FSTL5: variants seen among roughly 807,000 people sequenced by gnomAD.
The protein encoded by FSTL5 is follistatin like 5, also known as follistatin-related protein 5.
In FSTL5, 62 loss-of-function variants were observed where a neutral mutation model predicts 89.1. That is an observed-to-expected ratio of 0.70 (90% CI 0.57 to 0.86). The LOEUF (loss-of-function observed/expected upper bound fraction) is 0.86, where lower values mean the gene tolerates loss of function less well. Among genes scored for constraint, FSTL5 ranks in the 40% least tolerant of loss-of-function variants. The pLI is 0.00. For missense variants in FSTL5, 1,057 were observed against 1,001.6 expected (o/e 1.06, Z -0.75); for synonymous variants, 383 against 346.2 (o/e 1.11, Z -1.18).
intron 12 of FSTL5, among the ~76,000 whole-genome samples, chr4:161,492,465 A>T (rs1367447773): frequency 3.9e-5 from 6 of 152,210 alleles, no homozygotes; most frequent in Non-Finnish European, 8.8e-5. Context: ...TTCTGTTAAC[A>T]TGTATATATG....
At chr4:161,447,786 G>C (rs191816477) in intron 15 of FSTL5, among the ~76,000 whole-genome samples, 1 of 152,092 alleles carries the variant, frequency 6.6e-6, no homozygotes, top group African/African-American at 2.4e-5. Context: ...TTTATGTTAC[G>C]TAGATGAAGC....
chr4:162,130,481 A>G (rs114870166), intron 1 of FSTL5, among the ~76,000 whole-genome samples: 1 of 152,164 alleles, frequency 6.6e-6, no homozygotes, highest in African/African-American at 2.4e-5. Context: ...TATTTTTTCA[A>G]ATGACTATTA....
intron 3 of FSTL5, among the ~76,000 whole-genome samples, chr4:161,954,119 T>A (rs1181750456): frequency 1.3e-5 from 2 of 151,506 alleles, no homozygotes; most frequent in South Asian, 2.1e-4. Flanking sequence ...AACCCTAGAA[T>A]AACATTTAAA....
intron 7 of FSTL5, among the ~76,000 whole-genome samples, chr4:161,614,878 T>A (rs750788607): frequency 1.3e-4 from 20 of 152,212 alleles, no homozygotes; most frequent in Non-Finnish European, 2.2e-4. Flanking sequence ...TTCAATTTAA[T>A]ATATGAACGC....
At chr4:161,600,491 T>A (rs1179437564) in intron 7 of FSTL5, among the ~76,000 whole-genome samples, 1 of 151,992 alleles carries the variant, frequency 6.6e-6, no homozygotes, top group African/African-American at 2.4e-5. Context: ...TGTATAATAC[T>A]GAAATGCAAT....
At chr4:161,594,357 T>C (rs1256035477) in intron 7 of FSTL5, among the ~76,000 whole-genome samples, 2 of 152,188 alleles carry the variant, frequency 1.3e-5, no homozygotes, top group African/African-American at 2.4e-5. Context: ...CAGATAATTC[T>C]TTTAAAATTT....
intron 4 of FSTL5, among the ~76,000 whole-genome samples, chr4:161,808,784 C>T (rs1730050900): frequency 6.6e-6 from 1 of 152,042 alleles, no homozygotes; most frequent in Admixed American, 6.6e-5. Context: ...GTATGGATGC[C>T]TTACAACTCA....
At chr4:161,598,758 A>G (rs1054461132) in intron 7 of FSTL5, among the ~76,000 whole-genome samples, 4 of 152,150 alleles carry the variant, frequency 2.6e-5, no homozygotes, top group Non-Finnish European at 5.9e-5. Flanking sequence ...TACAGGGCTG[A>G]AGCAACTAGA....
At position 161,987,033 on chromosome 4, in the gene FSTL5, A is replaced by AAG. The variant is rs1437159664; in HGVS notation, c.160+46591_160+46592insCT. ...TACTTTTCTCACTGTACTCTGAACCAAAGCCATACTTTCCCCTAAATCTAT... is the reference window on the plus strand; with the variant it reads ...TACTTTTCTCACTGTACTCTGAACCAAGAAGCCATACTTTCCCCTAAATCTAT... On this transcript the variant is annotated intron_variant, in intron 3 of 15. Coordinates refer to ENST00000306100, the MANE Select transcript of FSTL5 (RefSeq NM_020116.5). Among the ~76,000 whole-genome samples, 6 of 152,170 alleles carry AAG rather than the reference A, an allele frequency of 3.9e-5. No individual in the cohort carries two copies. In the East Asian group the frequency reaches 7.7e-4, roughly 20 times the overall value.
chr4:161,433,829 T>C (rs1445693981), intron 15 of FSTL5, among the ~76,000 whole-genome samples: 1 of 151,848 alleles, frequency 6.6e-6, no homozygotes, highest in African/African-American at 2.4e-5. Flanking sequence ...TAAAATTAAA[T>C]ATCTAGGAAT....
intron 2 of FSTL5, among the ~76,000 whole-genome samples, chr4:162,079,630 A>T (rs1022838894): frequency 6.6e-6 from 1 of 151,546 alleles, no homozygotes; most frequent in Non-Finnish European, 1.5e-5. Flanking sequence ...AATATGATAC[A>T]ATTCTTCAGG....
intron 2 of FSTL5, among the ~76,000 whole-genome samples, chr4:162,071,380 A>C (rs1389317150): frequency 6.6e-6 from 1 of 151,736 alleles, no homozygotes; most frequent in Non-Finnish European, 1.5e-5. Context: ...TTAAGTAAAA[A>C]AACACAAATG....
intron 13 of FSTL5, among the ~76,000 whole-genome samples, chr4:161,475,090 A>G (rs907655845): frequency 7.1e-6 from 1 of 140,018 alleles, no homozygotes; most frequent in Non-Finnish European, 1.5e-5. Context: ...TCTGGCCTCC[A>G]TAGTTTCTAG....
At chr4:161,764,704 C>A (rs1451283060) in intron 5 of FSTL5, among the ~76,000 whole-genome samples, 1 of 152,124 alleles carries the variant, frequency 6.6e-6, no homozygotes, top group Non-Finnish European at 1.5e-5. Flanking sequence ...TCATTATTTT[C>A]ATTAAACCAC....
intron 6 of FSTL5, among the ~76,000 whole-genome samples, chr4:161,738,586 A>T (rs1174482141): frequency 6.6e-6 from 1 of 152,112 alleles, no homozygotes; most frequent in African/African-American, 2.4e-5. Context: ...AATACAATAA[A>T]CTGTGATCAA....
At chr4:161,749,325 T>G (rs1012937269) in intron 6 of FSTL5, among the ~76,000 whole-genome samples, 3 of 152,142 alleles carry the variant, frequency 2.0e-5, no homozygotes, top group African/African-American at 7.2e-5. Flanking sequence ...GTGGTACATA[T>G]ATACCGTGAA....
intron 8 of FSTL5, among the ~76,000 whole-genome samples, chr4:161,544,063 A>G (rs1391498832): frequency 6.6e-6 from 1 of 151,974 alleles, no homozygotes; most frequent in Non-Finnish European, 1.5e-5. Flanking sequence ...AAAATTTGAG[A>G]CGAAAAAATT....
At chr4:161,966,280 A>G (rs1292954484) in intron 3 of FSTL5, among the ~76,000 whole-genome samples, 1 of 152,014 alleles carries the variant, frequency 6.6e-6, no homozygotes, top group Non-Finnish European at 1.5e-5. Flanking sequence ...GATTTTGTTG[A>G]TTTCTAGCTG....
At chr4:161,856,587 T>G (rs1489161717) in intron 4 of FSTL5, among the ~76,000 whole-genome samples, 1 of 151,700 alleles carries the variant, frequency 6.6e-6, no homozygotes, top group African/African-American at 2.4e-5. Flanking sequence ...TTTATAGAAT[T>G]TATATTTTAA....
Sources: allele counts gnomAD v4.1 joint callset (sites outside exome capture counted in the v4.1 genomes callset), GRCh38; gene constraint gnomAD v4.1.1; transcripts MANE v1.5; gene names NCBI Gene and HGNC (gene_info 2026-07-23, HGNC 2026-07-21).